The following LTF variants were observed in gnomAD, a reference collection of about 807,000 sequenced individuals.
LTF encodes the protein lactotransferrin, also known as epididymis luminal protein 110.
In LTF, 91 loss-of-function variants were observed where a neutral mutation model predicts 87.2. The observed-to-expected ratio is 1.04, with a 90% CI of 0.88 to 1.24. The LOEUF is 1.24. LTF is among the 50% of genes most tolerant of loss of function. The pLI is 0.00. For synonymous variants in LTF, 378 were observed against 356.1 expected, an observed-to-expected ratio of 1.06 and a Z score of -0.69; for missense variants, 901 against 904.3, an observed-to-expected ratio of 1.00 and a Z score of 0.05.
chr3:46,448,395 A>G (rs1702708512), intron 9 of LTF, among the ~76,000 whole-genome samples: 1 of 152,052 alleles, frequency 6.6e-6, no homozygotes, highest in Non-Finnish European at 1.5e-5. Flanking sequence ...ATGCTTTCCA[A>G]GAGTAAATAT....
At chr3:46,445,587 C>A (rs956890950) in intron 11 of LTF, 151 bp from the exon 12 acceptor site, 2 of 604,790 alleles carry the variant, frequency 3.3e-6, no homozygotes, top group African/African-American at 3.8e-5. Context: ...TTTAGGTAGA[C>A]CGAGAAAGCA....
intron 1 of LTF, among the ~76,000 whole-genome samples, chr3:46,471,740 G>A (rs377655573): frequency 1.3e-5 from 2 of 152,168 alleles, no homozygotes; most frequent in African/African-American, 4.8e-5. Context: ...ATCACCCCCA[G>A]CACCCAGCAC....
chr3:46,457,248 T>C (rs1361632350), intron 2 of LTF, among the ~76,000 whole-genome samples: 2 of 152,200 alleles, frequency 1.3e-5, no homozygotes, highest in African/African-American at 4.8e-5. Context: ...CTGGATACAT[T>C]TTCTAACTTC....
intron 1 of LTF, among the ~76,000 whole-genome samples, chr3:46,473,608 C>T (rs1342375078): frequency 6.6e-6 from 1 of 152,146 alleles, no homozygotes; most frequent in Non-Finnish European, 1.5e-5. Flanking sequence ...AATCCATTTC[C>T]TTATTTTTTT....
At chr3:46,457,786 C>A (rs1364506898) in intron 2 of LTF, among the ~76,000 whole-genome samples, 1 of 151,912 alleles carries the variant, frequency 6.6e-6, no homozygotes, top group East Asian at 1.9e-4. Context: ...TTGGGTTATT[C>A]TTTTATTTAT....
chr3:46,466,403 T>C (rs1703214473), upstream of LTF, among the ~76,000 whole-genome samples: 1 of 152,228 alleles, frequency 6.6e-6, no homozygotes, highest in South Asian at 2.1e-4. Context: ...CTTAGACTAC[T>C]TGGTACTAAA....
rs1453133386 is a variant in LTF, at chr3:46,435,904, G to C, written c.*291C>G. On this transcript the variant is annotated 3_prime_UTR_variant, in exon 17 of 17. Transcript: ENST00000231751. Reference sequence around the variant, plus strand: ...CCCAAGACTGCAAGAAAGAGGAGGGGCTGGACCTGAAAAACTTGGAAGGGA... The same window carrying C: ...CCCAAGACTGCAAGAAAGAGGAGGGCCTGGACCTGAAAAACTTGGAAGGGA... The C allele has an allele frequency of 6.6e-6, 3 of 451,298 alleles. No homozygotes were observed. The highest frequency in any genetic ancestry group is 6.0e-5 in the African/African-American group (3 of 49,970). The allele number at this position is 451,298 out of a possible 1,614,324, so 28.0% of individuals were successfully genotyped here. A position where few individuals can be genotyped will look rare whatever the true frequency, so the allele number is the denominator to read the frequency against.
chr3:46,435,905 C>T lies in LTF; in HGVS notation c.*290G>A. On this transcript the variant is annotated 3_prime_UTR_variant, in exon 17 of 17. Transcript: ENST00000231751. Reference sequence around the variant, plus strand: ...CCAAGACTGCAAGAAAGAGGAGGGGCTGGACCTGAAAAACTTGGAAGGGAA... The same window carrying T: ...CCAAGACTGCAAGAAAGAGGAGGGGTTGGACCTGAAAAACTTGGAAGGGAA... The T allele has an allele frequency of 8.9e-6, 4 of 450,276 alleles. No individual in the cohort carries two copies. In the South Asian group the frequency reaches 9.5e-5, roughly 11 times the overall value. The allele number at this position is 450,276 out of a possible 1,614,324, so 27.9% of individuals were successfully genotyped here.
intron 1 of LTF, among the ~76,000 whole-genome samples, chr3:46,482,661 A>G (rs1703459150): frequency 2.0e-5 from 1 of 50,994 alleles, no homozygotes; most frequent in Non-Finnish European, 4.5e-5. Context: ...AGAAAGAAAG[A>G]AGGAAGGAAG....
chr3:46,438,174 T>A, intron 15 of LTF, 45 bp from the exon 16 acceptor site: 1 of 1,542,548 alleles, frequency 6.5e-7, no homozygotes, highest in Non-Finnish European at 8.9e-7. Flanking sequence ...AAAAGAGGAA[T>A]TTATGGGTTA....
At chr3:46,451,042 C>T (rs924222399) in intron 6 of LTF, among the ~76,000 whole-genome samples, 3 of 152,176 alleles carry the variant, frequency 2.0e-5, no homozygotes, top group African/African-American at 7.2e-5. Context: ...CTCCCTTACT[C>T]ACATCTCTGG....
upstream of LTF, among the ~76,000 whole-genome samples, chr3:46,467,906 G>A (rs750893180): frequency 5.1e-4 from 78 of 152,188 alleles, no homozygotes; most frequent in Non-Finnish European, 1.0e-3. Context: ...CCTCTGGAAA[G>A]GTACTCTTGC....
intron 1 of LTF, among the ~76,000 whole-genome samples, chr3:46,462,802 G>A (rs1703116874): frequency 6.6e-6 from 1 of 152,114 alleles, no homozygotes; most frequent in Non-Finnish European, 1.5e-5. Flanking sequence ...CAGAGAAGGG[G>A]GCAGGGAGCT....
chr3:46,455,234 C>T (rs1640029374), intron 5 of LTF, 61 bp downstream of exon 5: 5 of 1,607,310 alleles, frequency 3.1e-6, no homozygotes, highest in Non-Finnish European at 4.3e-6. Flanking sequence ...AGAGAAAAGG[C>T]CTCCCGGCCT....
intron 1 of LTF, among the ~76,000 whole-genome samples, chr3:46,472,004 G>A (rs931094124): frequency 6.6e-6 from 1 of 152,194 alleles, no homozygotes; most frequent in Non-Finnish European, 1.5e-5. Context: ...GGAGCCTCCA[G>A]AGGGTCCTTG....
chr3:46,475,213 A>G (rs964354615), intron 1 of LTF, among the ~76,000 whole-genome samples: 1 of 152,200 alleles, frequency 6.6e-6, no homozygotes, highest in African/African-American at 2.4e-5. Context: ...CAAAAAAACA[A>G]ACTATTGCAA....
rs894807117 is a variant in LTF, at chr3:46,436,048, A to G, written c.*147T>C. ...AAAATTTCTCATTTTACTTCTTGCT[A>G]AGACGACAGCAGGGAATTGTAAGCA... On this transcript the variant is annotated 3_prime_UTR_variant, in exon 17 of 17. Transcript: ENST00000231751. The G allele has an allele frequency of 5.2e-5, 38 of 726,044 alleles. No homozygotes were observed. The highest frequency in any genetic ancestry group is 8.0e-5 in the Non-Finnish European group (33 of 414,026). The allele number at this position is 726,044 out of a possible 1,614,324, so 45.0% of individuals were successfully genotyped here.
At chr3:46,460,728 C>A in intron 1 of LTF, 4 of 271,882 alleles carry the variant, frequency 1.5e-5, no homozygotes, top group South Asian at 1.0e-4. Context: ...AGCAATAAGG[C>A]AAGAAAAGAA....
intron 4 of LTF, 143 bp from the exon 5 acceptor site, chr3:46,455,585 A>C: frequency 8.6e-7 from 1 of 1,169,318 alleles, no homozygotes; most frequent in African/African-American, 1.5e-5. Flanking sequence ...TGGGAGCTCG[A>C]GACATGCACC....
Sources: allele counts gnomAD v4.1 joint callset (sites outside exome capture counted in the v4.1 genomes callset), GRCh38; gene constraint gnomAD v4.1.1; transcripts MANE v1.5; gene names NCBI Gene and HGNC (gene_info 2026-07-23, HGNC 2026-07-21).